The following COX15 variants were observed in gnomAD, a reference collection of about 807,000 sequenced individuals.
COX15 encodes the protein heme A synthase COX15.
In COX15, 51 loss-of-function variants were observed where a neutral mutation model predicts 51.9. The observed-to-expected ratio is 0.98, with a 90% CI of 0.78 to 1.24. The LOEUF (loss-of-function observed/expected upper bound fraction) is 1.24. Ranked by LOEUF, COX15 falls within the 50% of genes most tolerant of loss-of-function variation. The pLI is 0.00. For missense variants in COX15, 420 were observed against 501.1 expected, an observed-to-expected ratio of 0.84 and a Z score of 1.55; for synonymous variants, 188 against 190.5, an observed-to-expected ratio of 0.99 and a Z score of 0.11.
chr10:99,716,418 G>C lies in COX15; in HGVS notation c.1031C>G (p.Ser344Cys). The stretch of plus-strand genomic sequence containing the variant: ...CCTTCTAGGAAGGGGAATTCTCCGA[G>C]AGAGGAAGTAGAGCACTGTAATGGC... Reference protein sequence around the residue: ...VTAITVLYFLSRRIPLPRRTK... With the variant: ...VTAITVLYFLCRRIPLPRRTK... Residue 344 changes from serine (S) to cysteine (C), a missense_variant, in exon 8 of 9, where the codon TCT (serine) becomes TGT (cysteine). Transcript: ENST00000016171. The C allele has an allele frequency of 6.2e-7, 1 of 1,614,024 alleles. No homozygotes were observed. Among genetic ancestry groups the C allele is most frequent in the Non-Finnish European group, 8.5e-7 (1 of 1,179,954 alleles).
At chr10:99,718,613 A>G (rs2036650724) in intron 6 of COX15, 113 bp from the exon 7 acceptor site, 2 of 1,080,458 alleles carry the variant, frequency 1.9e-6, no homozygotes, top group Non-Finnish European at 1.4e-6. Context: ...GAACAGTCAG[A>G]GAATAATAGA....
chr10:99,731,867 C>T (rs568899679), intron 1 of COX15, 93 bp downstream of exon 1: 42 of 1,513,460 alleles, frequency 2.8e-5, no homozygotes, highest in Admixed American at 2.0e-4. Context: ...TAAGGAGCTC[C>T]GGAAACGTGA....
intron 4 of COX15, among the ~76,000 whole-genome samples, chr10:99,726,510 G>T (rs139868076): frequency 0.013 from 1,966 of 152,148 alleles, 47 homozygotes; most frequent in African/African-American, 0.044. Context: ...TCAGAGCTGG[G>T]GCTTGAAGCT....
At chr10:99,718,325 G>A (rs2036639265) in intron 7 of COX15, 21 bp downstream of exon 7, 3 of 1,613,750 alleles carry the variant, frequency 1.9e-6, no homozygotes, top group Non-Finnish European at 2.5e-6. Flanking sequence ...TCTCTGGCAG[G>A]TAACCACCAA....
rs551033116 is a variant in COX15, at chr10:99,714,074, A to G, written c.*513T>C. The G allele has an allele frequency of 8.9e-6, 9 of 1,006,902 alleles. No individual in the cohort carries two copies. Among genetic ancestry groups the G allele is most frequent in the Middle Eastern group, 5.1e-4 (1 of 1,966 alleles). 62.4% of individuals were successfully genotyped at this position (1,006,902 alleles called of 1,614,324 possible). ...CACATTAAGCTTGTCAAAATCTGCA[A>G]TTTCCCCATTTCTGAAAATCAGGAT... is the stretch of plus-strand genomic sequence containing the variant. On this transcript the variant is annotated 3_prime_UTR_variant, in exon 9 of 9. Transcript: ENST00000016171.
chr10:99,720,926 G>A, intron 6 of COX15, 61 bp downstream of exon 6: 1 of 1,333,130 alleles, frequency 7.5e-7, no homozygotes. Flanking sequence ...AAAGCATTAG[G>A]CAAGAGGTCC....
In COX15 at chr10:99,716,474, AAG is replaced by A. The variant is rs1165991497; in HGVS notation, c.988-15_988-14del. On this transcript the variant is annotated splice_polypyrimidine_tract_variant and intron_variant, in intron 7 of 8. Transcript: ENST00000016171. ...CTGAAGTGATTCCCTGCAGGGAAGA[AAG>A]AGTCTATCACATTAGATAGAAGTGC... 1.3e-6 allele frequency: 2 copies of A among 1,572,060 alleles called. No individual in the cohort carries two copies. The highest frequency in any genetic ancestry group is 1.4e-5 in the African/African-American group (1 of 74,000).
chr10:99,698,328 T>C, the COX15 span, among the ~76,000 whole-genome samples: 4 of 152,224 alleles, frequency 2.6e-5, no homozygotes, highest in East Asian at 1.9e-4. Flanking sequence ...TCGAACAGAA[T>C]TGATCACCAT....
Position 99,714,502 on chromosome 10 carries a change from C to G in COX15, c.*85G>C. 1 of 1,606,150 alleles carries G rather than the reference C, an allele frequency of 6.2e-7. No individual in the cohort carries two copies. Among genetic ancestry groups the G allele is most frequent in the South Asian group, 1.1e-5 (1 of 89,968 alleles). On this transcript the variant is annotated 3_prime_UTR_variant, in exon 9 of 9. Transcript: ENST00000016171. ...TGGAAACCACTTGGTATGTCAAGGT[C>G]ATCTCGTAGAAAAGCCCAAGTTCTT...
chr10:99,702,733 G>T, the COX15 span: 1 of 1,448,704 alleles, frequency 6.9e-7, no homozygotes, highest in Non-Finnish European at 9.2e-7. Context: ...TGATGCCTCA[G>T]AATCGGTTTC....
At chr10:99,720,778 T>C (rs1164502407) in intron 6 of COX15, among the ~76,000 whole-genome samples, 3 of 143,526 alleles carry the variant, frequency 2.1e-5, no homozygotes, top group East Asian at 2.1e-4. Flanking sequence ...TGGATCTAGG[T>C]AGATGTTCAA....
chr10:99,730,467 C>A (rs2037100207), intron 1 of COX15, among the ~76,000 whole-genome samples: 1 of 151,890 alleles, frequency 6.6e-6, no homozygotes, highest in South Asian at 2.1e-4. Flanking sequence ...GCTTGTAATC[C>A]CAGCTATTTG....
intron 2 of COX15, among the ~76,000 whole-genome samples, chr10:99,728,630 A>G (rs997420268): frequency 1.3e-5 from 2 of 152,224 alleles, no homozygotes; most frequent in Non-Finnish European, 2.9e-5. Context: ...TAGACACCAG[A>G]TATTCACGAA....
At position 99,711,099 on chromosome 10, in the gene COX15, T is replaced by C. The variant is rs968479225; in HGVS notation, c.*3488A>G. On this transcript the variant is annotated 3_prime_UTR_variant, in exon 9 of 9. Transcript: ENST00000016171. ...CTGGGAGTGCTGGGAATAACATAAA[T>C]ACAAAAAAAACCCTAAGATAATCAT... The C allele has an allele frequency of 3.4e-6, 3 of 870,152 alleles. No individual in the cohort carries two copies. The African/African-American group carries it at 9.1e-5, about 26-fold the overall frequency. 53.9% of individuals were successfully genotyped at this position (870,152 alleles called of 1,614,324 possible). A position where few individuals can be genotyped will look rare whatever the true frequency, so the allele number is the denominator to read the frequency against.
In COX15 at chr10:99,714,008, C is replaced by T. The variant is rs2133565308; in HGVS notation, c.*579G>A. ...AAAAAATGGAACTATTTGGCGATTA[C>T]CTCCTTTTCCAAGTACTTAAAAACC... On this transcript the variant is annotated 3_prime_UTR_variant, in exon 9 of 9. Coordinates refer to ENST00000016171, the MANE Select transcript of COX15 (RefSeq NM_078470.6). The T allele has an allele frequency of 3.0e-6, 3 of 997,622 alleles. No homozygotes were observed. Among genetic ancestry groups the T allele is most frequent in the South Asian group, 8.8e-5 (2 of 22,842 alleles). 61.8% of individuals were successfully genotyped at this position (997,622 alleles called of 1,614,324 possible). A position where few individuals can be genotyped will look rare whatever the true frequency, so the allele number is the denominator to read the frequency against.
chr10:99,718,233 G>A (rs1403568571), intron 7 of COX15, 113 bp downstream of exon 7: 7 of 1,108,566 alleles, frequency 6.3e-6, no homozygotes, highest in Non-Finnish European at 9.0e-6. Context: ...AAGAGAGCAG[G>A]AAATATAGTT....
chr10:99,707,651 T>C (rs983752791), downstream of COX15, among the ~76,000 whole-genome samples: 10 of 152,240 alleles, frequency 6.6e-5, no homozygotes, highest in Non-Finnish European at 1.5e-4. Flanking sequence ...TTTAGGACTC[T>C]TGTTATTACT....
At position 99,713,152 on chromosome 10, in the gene COX15, A is replaced by T; in HGVS notation, c.*1435T>A. The T allele has an allele frequency of 2.3e-6, 3 of 1,331,416 alleles. No individual in the cohort carries two copies. Among genetic ancestry groups the T allele is most frequent in the Non-Finnish European group, 2.9e-6 (3 of 1,036,764 alleles). The allele number at this position is 1,331,416 out of a possible 1,614,324, so 82.5% of individuals were successfully genotyped here. ...ACTGATAAAACCTGAAGTACCACTA[A>T]TTTTTCTGTTATCATATAATAACAA... On this transcript the variant is annotated 3_prime_UTR_variant, in exon 9 of 9. Coordinates refer to ENST00000016171, the MANE Select transcript of COX15 (RefSeq NM_078470.6).
chr10:99,719,764 T>A (rs2036700233), intron 6 of COX15, among the ~76,000 whole-genome samples: 1 of 152,224 alleles, frequency 6.6e-6, no homozygotes, highest in South Asian at 2.1e-4. Flanking sequence ...GTGCTGGAAT[T>A]ACAGGTGTGA....
Sources: allele counts gnomAD v4.1 joint callset (sites outside exome capture counted in the v4.1 genomes callset), GRCh38; gene constraint gnomAD v4.1.1; transcripts MANE v1.5; gene names NCBI Gene and HGNC (gene_info 2026-07-23, HGNC 2026-07-21).